C12orf42: variants seen among roughly 807,000 people sequenced by gnomAD.
C12orf42 encodes the protein chromosome 12 open reading frame 42.
A neutral mutation model predicts 21.6 loss-of-function variants in C12orf42; 25 were observed. The ratio of observed to expected loss-of-function variants is 1.16; its 90% CI spans 0.84 to 1.62. C12orf42 has a LOEUF of 1.62. C12orf42 is among the 40% of genes most tolerant of loss of function. The pLI, the probability that C12orf42 is intolerant of heterozygous loss-of-function variation, is 0.00. For synonymous variants in C12orf42, 174 were observed against 175.0 expected, an observed-to-expected ratio of 0.99 and a Z score of 0.05; for missense variants, 483 against 459.3, an observed-to-expected ratio of 1.05 and a Z score of -0.47.
chr12:103,132,343 C>T, the C12orf42 span, among the ~76,000 whole-genome samples: 5 of 69,220 alleles, frequency 7.2e-5, no homozygotes, highest in African/African-American at 2.6e-4. Context: ...TGAAATGGCT[C>T]CCTAACATGG....
intron 4 of C12orf42, among the ~76,000 whole-genome samples, chr12:103,312,726 T>C (rs1342508063): frequency 2.0e-5 from 3 of 152,248 alleles, no homozygotes; most frequent in Non-Finnish European, 4.4e-5. Context: ...TCTCTGTGTC[T>C]TATTTTGCAG....
chr12:103,294,486 CAAGA>C (rs371588620), intron 4 of C12orf42, among the ~76,000 whole-genome samples: 14,303 of 94,554 alleles, frequency 0.15, 922 homozygotes, highest in Middle Eastern at 0.27. Flanking sequence ...AGCAAGCAAG[CAAGA>C]AAGAAAGAAA....
At chr12:103,366,872 C>T (rs934663977) in intron 4 of C12orf42, among the ~76,000 whole-genome samples, 10 of 152,142 alleles carry the variant, frequency 6.6e-5, no homozygotes, top group African/African-American at 9.6e-5. Flanking sequence ...CTAGTGCAAC[C>T]GCTATGGAAA....
the C12orf42 span, among the ~76,000 whole-genome samples, chr12:103,129,153 G>T: frequency 1.3e-5 from 2 of 152,272 alleles, no homozygotes; most frequent in East Asian, 3.9e-4. Flanking sequence ...TGGAAGCTGT[G>T]CTTGAAGACC....
At chr12:103,516,971 C>CT in the C12orf42 span, among the ~76,000 whole-genome samples, 1 of 152,144 alleles carries the variant, frequency 6.6e-6, no homozygotes, top group Admixed American at 6.6e-5. Context: ...TGCCTGAGAG[C>CT]TATTAAAGGG....
intron 4 of C12orf42, among the ~76,000 whole-genome samples, chr12:103,367,666 G>A (rs1333082598): frequency 6.6e-6 from 1 of 151,842 alleles, no homozygotes; most frequent in African/African-American, 2.4e-5. Context: ...GTTTTCCCAT[G>A]GGAGAAAGGG....
chr12:103,476,967 C>T (rs888905166), intron 2 of C12orf42: 2 of 152,000 alleles, frequency 1.3e-5, no homozygotes, highest in African/African-American at 4.8e-5. Context: ...GAATTCAACT[C>T]ATAATTCAAA....
intron 2 of C12orf42, among the ~76,000 whole-genome samples, chr12:103,426,675 T>G (rs1409394016): frequency 6.6e-6 from 1 of 151,830 alleles, no homozygotes; most frequent in Non-Finnish European, 1.5e-5. Context: ...TTCACCAAGG[T>G]TGAAATGAAG....
chr12:103,292,033 A>G (rs944696816), intron 4 of C12orf42, among the ~76,000 whole-genome samples: 7 of 152,196 alleles, frequency 4.6e-5, no homozygotes, highest in African/African-American at 1.4e-4. Context: ...CCATTAACCA[A>G]TCAATGGATA....
At chr12:103,320,191 G>A (rs551581557) in intron 4 of C12orf42, among the ~76,000 whole-genome samples, 7 of 152,328 alleles carry the variant, frequency 4.6e-5, no homozygotes, top group Admixed American at 4.6e-4. Context: ...TCACTTCTTT[G>A]AAGCAGCAGC....
At chr12:103,146,551 TAAAG>T in the C12orf42 span, among the ~76,000 whole-genome samples, 2 of 39,360 alleles carry the variant, frequency 5.1e-5, no homozygotes, top group Non-Finnish European at 5.1e-5. Context: ...GAAAGAGAAA[TAAAG>T]AAAGAAAAGA....
At chr12:103,409,035 T>C (rs2048631502) in intron 2 of C12orf42, among the ~76,000 whole-genome samples, 2 of 152,220 alleles carry the variant, frequency 1.3e-5, no homozygotes, top group Non-Finnish European at 2.9e-5. Context: ...GTTAACCGCA[T>C]ATTTCATGTT....
At chr12:103,443,273 A>G (rs1486773689) in intron 2 of C12orf42, among the ~76,000 whole-genome samples, 3 of 152,156 alleles carry the variant, frequency 2.0e-5, no homozygotes, top group African/African-American at 7.2e-5. Flanking sequence ...GGAAACTGAT[A>G]CAGAATGAGC....
intron 2 of C12orf42, among the ~76,000 whole-genome samples, chr12:103,451,005 G>C (rs139973637): frequency 6.6e-5 from 10 of 151,872 alleles, no homozygotes; most frequent in African/African-American, 2.2e-4. Flanking sequence ...AAAATTATAC[G>C]CACAGTTGTT....
chr12:103,342,062 A>T (rs990367181), intron 4 of C12orf42, among the ~76,000 whole-genome samples: 1 of 152,074 alleles, frequency 6.6e-6, no homozygotes, highest in African/African-American at 2.4e-5. Flanking sequence ...AGATACATAA[A>T]TAGATAGATA....
chr12:103,193,823 C>CT, the C12orf42 span, among the ~76,000 whole-genome samples: 1 of 152,058 alleles, frequency 6.6e-6, no homozygotes, highest in Admixed American at 6.6e-5. Flanking sequence ...CTTCCAAACT[C>CT]TTTTTTGTGA....
chr12:103,385,593 G>A (rs1426483894), intron 3 of C12orf42, among the ~76,000 whole-genome samples: 1 of 151,920 alleles, frequency 6.6e-6, no homozygotes. Context: ...GTTTTTAAAT[G>A]GTAATAAATT....
the C12orf42 span, among the ~76,000 whole-genome samples, chr12:103,509,275 G>GA: frequency 6.6e-6 from 1 of 152,024 alleles, no homozygotes; most frequent in African/African-American, 2.4e-5. Flanking sequence ...GAAGAATCAG[G>GA]AAAAAATACA....
chr12:103,446,587 C>T (rs2137397523), intron 2 of C12orf42, among the ~76,000 whole-genome samples: 1 of 152,052 alleles, frequency 6.6e-6, no homozygotes, highest in South Asian at 2.1e-4. Flanking sequence ...AAGATTTCAT[C>T]AACCAAGTTT....
Sources: allele counts gnomAD v4.1 joint callset (sites outside exome capture counted in the v4.1 genomes callset), GRCh38; gene constraint gnomAD v4.1.1; transcripts MANE v1.5; gene names NCBI Gene and HGNC (gene_info 2026-07-23, HGNC 2026-07-21).